Variants in PTPRQ observed in about 807,000 individuals in gnomAD.
PTPRQ encodes the protein phosphatidylinositol phosphatase PTPRQ.
PTPRQ carries 199 observed loss-of-function variants against 246.0 expected under a neutral mutation model. That is an observed-to-expected ratio of 0.81 (90% CI 0.72 to 0.91). PTPRQ has a LOEUF of 0.91. Among genes scored for constraint, PTPRQ ranks in the 40% least tolerant of loss-of-function variants. The probability of loss-of-function intolerance (pLI) is 0.00; values close to 1 mark genes in which losing one functional copy is unlikely to be tolerated. For missense variants in PTPRQ, 2,624 were observed against 2,528.4 expected (o/e 1.04, Z -0.81); for synonymous variants, 869 against 853.2 (o/e 1.02, Z -0.32).
chr12:80,640,311 C>T (rs936118301), intron 35 of PTPRQ, among the ~76,000 whole-genome samples: 1 of 152,108 alleles, frequency 6.6e-6, no homozygotes, highest in Admixed American at 6.6e-5. Context: ...AATAATAACT[C>T]ATAATTTTTG....
At position 80,468,722 on chromosome 12, in the gene PTPRQ, C is replaced by A; in HGVS notation, c.923C>A (p.Pro308Gln). Residue 308 changes from proline (P) to glutamine (Q), a missense_variant, in exon 7 of 45, where the codon CCA (proline) becomes CAA (glutamine). Transcript: ENST00000644991. ...VRTPESVPEG[P>Q]PQNCVTGNIT... Reference sequence around the variant, plus strand: ...ATAATTATTTTAGTGCCTGAAGGACCACCACAAAACTGCGTAACAGGCAAC... The same window carrying A: ...ATAATTATTTTAGTGCCTGAAGGACAACCACAAAACTGCGTAACAGGCAAC... 4 of 1,534,898 alleles carry A rather than the reference C, an allele frequency of 2.6e-6. No homozygotes were observed. The highest frequency in any genetic ancestry group is 3.5e-6 in the Non-Finnish European group (4 of 1,140,332).
intron 6 of PTPRQ, chr12:80,462,027 C>CA (rs1893197072): frequency 2.9e-6 from 2 of 701,110 alleles, no homozygotes; most frequent in South Asian, 3.0e-5. Flanking sequence ...TCAGTGCGTG[C>CA]AGTGCGCCGT....
At chr12:80,486,010 T>G (rs1408389226) in intron 9 of PTPRQ, among the ~76,000 whole-genome samples, 1 of 152,194 alleles carries the variant, frequency 6.6e-6, no homozygotes, top group Non-Finnish European at 1.5e-5. Context: ...ATATAGCAAG[T>G]GGTTAAGACT....
At chr12:80,559,101 G>T (rs1440994535) in intron 25 of PTPRQ, among the ~76,000 whole-genome samples, 1 of 152,198 alleles carries the variant, frequency 6.6e-6, no homozygotes, top group Non-Finnish European at 1.5e-5. Context: ...GTGGAGTGCA[G>T]TGGCGCAATC....
At chr12:80,549,762 A>G (rs1896415588) in intron 25 of PTPRQ, 28 bp downstream of exon 25, 1 of 1,505,038 alleles carries the variant, frequency 6.6e-7, no homozygotes, top group Non-Finnish European at 8.9e-7. Context: ...GGTAACTAAC[A>G]TGAAACCTTT....
intron 25 of PTPRQ, among the ~76,000 whole-genome samples, chr12:80,559,028 T>C (rs1164591860): frequency 3.3e-5 from 5 of 152,264 alleles, no homozygotes; most frequent in Admixed American, 3.3e-4. Context: ...TGCCAGGCTG[T>C]AGCTTGTCTT....
At chr12:80,667,244 C>G (rs556871377) in intron 39 of PTPRQ, among the ~76,000 whole-genome samples, 72 of 151,822 alleles carry the variant, frequency 4.7e-4, no homozygotes, top group Non-Finnish European at 9.0e-4. Context: ...TCTTTTCCCC[C>G]GAATCCTGCA....
intron 8 of PTPRQ, among the ~76,000 whole-genome samples, chr12:80,475,168 A>G (rs756228748): frequency 9.2e-5 from 14 of 152,118 alleles, no homozygotes; most frequent in Non-Finnish European, 1.6e-4. Flanking sequence ...TTTGGAATAT[A>G]TTTTAATAAA....
intron 37 of PTPRQ, among the ~76,000 whole-genome samples, chr12:80,652,449 A>G (rs1420778374): frequency 6.6e-6 from 1 of 152,098 alleles, no homozygotes; most frequent in East Asian, 1.9e-4. Flanking sequence ...TGAAACCATT[A>G]GTAACATATG....
intron 27 of PTPRQ, among the ~76,000 whole-genome samples, chr12:80,605,983 A>G (rs1211118740): frequency 1.3e-5 from 2 of 151,182 alleles, no homozygotes; most frequent in Non-Finnish European, 3.0e-5. Flanking sequence ...AACAGAGGAA[A>G]TGTAGCAAGA....
rs1900826047 is a variant in PTPRQ at position 80,667,561 on chromosome 12, G to A, written c.6193-1446G>A. On this transcript the variant is annotated intron_variant, in intron 39 of 44. Transcript: ENST00000644991. ...TATTTCTCCTAATGATAAAATAAAC[G>A]AGGGTAGGAATTTCAGTGTCTTTGG... Among the ~76,000 whole-genome samples the A allele has an allele frequency of 2.0e-5, 3 of 151,612 alleles. No homozygotes were observed. The Admixed American group carries it at 2.0e-4, about 10-fold the overall frequency.
intron 43 of PTPRQ, among the ~76,000 whole-genome samples, chr12:80,676,882 A>G (rs534974086): frequency 6.6e-6 from 1 of 152,216 alleles, no homozygotes; most frequent in South Asian, 2.1e-4. Flanking sequence ...AAATCTTACA[A>G]TACAGGATTT....
chr12:80,496,121 T>G lies in PTPRQ; in HGVS notation c.1990+15T>G. The G allele has an allele frequency of 6.5e-7, 1 of 1,545,088 alleles. No homozygotes were observed. Among genetic ancestry groups the G allele is most frequent in the African/African-American group, 1.4e-5 (1 of 72,538 alleles). ...TTCAGAAGATGGTAAGAATATCAATTGCAGCTTTAATTTTTTTAAAAAAGT... is the reference window on the plus strand; with the variant it reads ...TTCAGAAGATGGTAAGAATATCAATGGCAGCTTTAATTTTTTTAAAAAAGT... On this transcript the variant is annotated intron_variant, in intron 13 of 44. Coordinates refer to ENST00000644991, the MANE Select transcript of PTPRQ (RefSeq NM_001145026.2).
chr12:80,630,336 T>C (rs1430003903), intron 33 of PTPRQ, among the ~76,000 whole-genome samples: 4 of 152,178 alleles, frequency 2.6e-5, no homozygotes, highest in African/African-American at 9.7e-5. Flanking sequence ...TTTCTCTTGA[T>C]GTCCTTTAAT....
chr12:80,581,528 G>A (rs184166863), intron 25 of PTPRQ, among the ~76,000 whole-genome samples: 12 of 152,124 alleles, frequency 7.9e-5, no homozygotes, highest in Admixed American at 7.2e-4. Context: ...CCAGCTACCC[G>A]AGAGACTGGG....
rs1351355443 is a variant in PTPRQ, at chr12:80,669,040, C to G, written c.6226C>G (p.Gln2076Glu). The part of the protein sequence containing the change: ...YLCPNEFIAT[Q>E]GPLPGTVGDF... ...ATGTCCAAATGAATTTATTGCTACT[C>G]AAGGTCCACTACCAGGAACAGTTGG... is the stretch of plus-strand genomic sequence containing the variant. Residue 2076 changes from glutamine (Q) to glutamate (E), a missense_variant, in exon 40 of 45, where the codon CAA becomes GAA. Coordinates refer to ENST00000644991, the MANE Select transcript of PTPRQ (RefSeq NM_001145026.2). 2 of 1,550,132 alleles carry G rather than the reference C, an allele frequency of 1.3e-6. No homozygotes were observed. The highest frequency in any genetic ancestry group is 1.7e-6 in the Non-Finnish European group (2 of 1,145,934).
At chr12:80,449,756 C>T (rs999179532) in intron 3 of PTPRQ, among the ~76,000 whole-genome samples, 1 of 152,086 alleles carries the variant, frequency 6.6e-6, no homozygotes, top group Admixed American at 6.5e-5. Flanking sequence ...GGTACCAGTA[C>T]CATGCTGTTT....
intron 27 of PTPRQ, among the ~76,000 whole-genome samples, chr12:80,608,340 G>A (rs1200972546): frequency 6.6e-6 from 1 of 150,510 alleles, no homozygotes; most frequent in Non-Finnish European, 1.5e-5. Flanking sequence ...CTGGGTAAGT[G>A]GACAAGTAAT....
intron 9 of PTPRQ, among the ~76,000 whole-genome samples, chr12:80,489,217 C>G (rs1360181318): frequency 6.6e-6 from 1 of 151,946 alleles, no homozygotes; most frequent in Non-Finnish European, 1.5e-5. Context: ...TCAGTTCGTC[C>G]TAAGTCTCCT....
Sources: gnomAD v4.1 joint callset for allele counts (sites outside exome capture counted in the v4.1 genomes callset) on GRCh38, gnomAD v4.1.1 for gene constraint, MANE v1.5 for transcripts, NCBI Gene and HGNC (gene_info 2026-07-23, HGNC 2026-07-21) for gene names.